Variants in GMEB2 observed in about 807,000 individuals in gnomAD.
GMEB2 encodes the protein glucocorticoid modulatory element-binding protein 2.
Under a neutral mutation model 45.7 loss-of-function variants are expected in GMEB2, and 7 were observed. The ratio of observed to expected loss-of-function variants is 0.15; its 90% CI spans 0.09 to 0.29. GMEB2 has a LOEUF of 0.29. Ranked by LOEUF, GMEB2 falls within the 10% of genes least tolerant of loss-of-function variation. The probability of loss-of-function intolerance (pLI) is 1.00; values close to 1 mark genes in which losing one functional copy is unlikely to be tolerated. For synonymous variants in GMEB2, 322 were observed against 323.6 expected, an observed-to-expected ratio of 1.00 and a Z score of 0.05; for missense variants, 582 against 739.2, an observed-to-expected ratio of 0.79 and a Z score of 2.47.
intron 4 of GMEB2, 48 bp from the exon 5 acceptor site, chr20:63,597,908 T>A: frequency 9.1e-7 from 1 of 1,100,094 alleles, no homozygotes. Flanking sequence ...GGACACCACA[T>A]AGGGTGCCCC....
At chr20:63,624,948 C>T (rs896991748) in intron 1 of GMEB2, among the ~76,000 whole-genome samples, 4 of 151,918 alleles carry the variant, frequency 2.6e-5, no homozygotes, top group Admixed American at 2.0e-4. Context: ...CCTCGTGATC[C>T]GCCCGCCTCT....
chr20:63,612,528 T>C lies in GMEB2; in HGVS notation c.131+6739A>G, dbSNP rs142740750. 3.9e-5 allele frequency among the ~76,000 whole-genome samples: 6 copies of C among 152,342 alleles called. 1 individual carries two copies. The highest frequency in any genetic ancestry group is 1.4e-4 in the African/African-American group (6 of 41,582). On this transcript the variant is annotated intron_variant, in intron 2 of 9. Coordinates refer to ENST00000370077, the MANE Select transcript of GMEB2 (RefSeq NM_012384.5). ...GCGGACGAATGGAAATGTCATTCTGTGGCCACAGAAATGATCTCAACGTTT... is the reference window on the plus strand; with the variant it reads ...GCGGACGAATGGAAATGTCATTCTGCGGCCACAGAAATGATCTCAACGTTT...
At chr20:63,604,721 C>T in intron 3 of GMEB2, 22 bp downstream of exon 3, 5 of 1,397,738 alleles carry the variant, frequency 3.6e-6, no homozygotes, top group South Asian at 1.1e-5. Context: ...AGGCAGACTT[C>T]CCACCTAGGA....
Position 63,592,970 on chromosome 20 carries a change from C to T in GMEB2, c.691+41G>A, listed in dbSNP as rs776682662. ...GAGGTGGGCAGAGACTCCACCACCC[C>T]GCCAGGGCTTGTGAGAAGCCCACAA... On this transcript the variant is annotated intron_variant, in intron 7 of 9. Coordinates refer to ENST00000370077, the MANE Select transcript of GMEB2 (RefSeq NM_012384.5). This position sits in a 1 kb window ranked among gnomAD's most constrained non-coding sequence, Gnocchi z 8.2. 5.0e-6 allele frequency: 7 copies of T among 1,411,422 alleles called. No individual in the cohort carries two copies. In the East Asian group the frequency reaches 9.3e-5, roughly 19 times the overall value. 87.4% of individuals were successfully genotyped at this position (1,411,422 alleles called of 1,614,324 possible). A position where few individuals can be genotyped will look rare whatever the true frequency, so the allele number is the denominator to read the frequency against.
chr20:63,612,139 A>T (rs1052351610), intron 2 of GMEB2, among the ~76,000 whole-genome samples: 1 of 152,240 alleles, frequency 6.6e-6, no homozygotes, highest in Admixed American at 6.5e-5. Flanking sequence ...TGACCCACAG[A>T]AATCTAAGAA....
intron 1 of GMEB2, among the ~76,000 whole-genome samples, chr20:63,626,747 C>CCGCCCG (rs988928654): frequency 1.3e-4 from 19 of 146,932 alleles, no homozygotes; most frequent in South Asian, 2.1e-4. Context: ...GGAAGCGCCG[C>CCGCCCG]CGCCCGCGCC....
At chr20:63,617,670 G>A (rs112123537) in intron 2 of GMEB2, among the ~76,000 whole-genome samples, 60 of 81,560 alleles carry the variant, frequency 7.4e-4, no homozygotes, top group South Asian at 9.8e-4. Flanking sequence ...ACGGAGTCAC[G>A]GCTCGGGTGA....
At chr20:63,605,399 G>A (rs1421841513) in intron 2 of GMEB2, among the ~76,000 whole-genome samples, 1 of 151,360 alleles carries the variant, frequency 6.6e-6, no homozygotes, top group Admixed American at 6.6e-5. Context: ...TGGGTGTGGT[G>A]GCTCGAGCCC....
intron 1 of GMEB2, among the ~76,000 whole-genome samples, chr20:63,620,199 T>C (rs1359375401): frequency 6.6e-6 from 1 of 152,218 alleles, no homozygotes; most frequent in Non-Finnish European, 1.5e-5. Flanking sequence ...ATGCCTGGCC[T>C]GCCCCGGGTT....
chr20:63,593,502 C>T lies in GMEB2; in HGVS notation c.620-420G>A, dbSNP rs1227971132. Among the ~76,000 whole-genome samples the T allele has an allele frequency of 6.6e-6, 1 of 151,812 alleles. No individual in the cohort carries two copies. Among genetic ancestry groups the T allele is most frequent in the Admixed American group, 6.6e-5 (1 of 15,226 alleles). On this transcript the variant is annotated intron_variant, in intron 6 of 9. Transcript: ENST00000370077. This position sits in a 1 kb window ranked among gnomAD's most constrained non-coding sequence, Gnocchi z 4.7. Reference sequence around the variant, plus strand: ...CTGTCGCCCGTGGGGCTCGCCCTCACCTCGCCTCTTCAAGTGATGCTTCAT... The same window carrying T: ...CTGTCGCCCGTGGGGCTCGCCCTCATCTCGCCTCTTCAAGTGATGCTTCAT...
Position 63,588,754 on chromosome 20 carries a change from A to T in GMEB2, c.*1335T>A, listed in dbSNP as rs2083116785. 1 of 398,618 alleles carries T rather than the reference A, an allele frequency of 2.5e-6. No homozygotes were observed. Among genetic ancestry groups the T allele is most frequent in the Non-Finnish European group, 4.4e-6 (1 of 226,108 alleles). 24.7% of individuals were successfully genotyped at this position (398,618 alleles called of 1,614,324 possible). On this transcript the variant is annotated 3_prime_UTR_variant, in exon 10 of 10. Transcript: ENST00000370077. The stretch of plus-strand genomic sequence containing the variant: ...GCCGACAGAATCAGCAGGAGCGTCC[A>T]GGGGAATCTGGCACTCAGGGTCCTC...
intron 2 of GMEB2, among the ~76,000 whole-genome samples, chr20:63,607,613 A>C (rs369900622): frequency 0.016 from 80 of 4,854 alleles, no homozygotes; most frequent in Non-Finnish European, 0.05. Context: ...TGACCCACAC[A>C]TCCATTTCTA....
At chr20:63,613,265 GA>G (rs2089584079) in intron 2 of GMEB2, among the ~76,000 whole-genome samples, 1 of 152,016 alleles carries the variant, frequency 6.6e-6, no homozygotes, top group Non-Finnish European at 1.5e-5. Flanking sequence ...TAACATCCTA[GA>G]AAAAAAGCTC....
At chr20:63,625,933 C>T (rs1324866287) in intron 1 of GMEB2, among the ~76,000 whole-genome samples, 1 of 152,222 alleles carries the variant, frequency 6.6e-6, no homozygotes, top group East Asian at 1.9e-4. Context: ...TTGACCGGCA[C>T]GGTCAACACT....
In GMEB2 at chr20:63,593,634, C is replaced by T. The variant is rs2083170403; in HGVS notation, c.620-552G>A. Among the ~76,000 whole-genome samples the T allele has an allele frequency of 6.6e-6, 1 of 152,166 alleles. No homozygotes were observed. Among genetic ancestry groups the T allele is most frequent in the African/African-American group, 2.4e-5 (1 of 41,420 alleles). On this transcript the variant is annotated intron_variant, in intron 6 of 9. Transcript: ENST00000370077. This position sits in a 1 kb window ranked among gnomAD's most constrained non-coding sequence, Gnocchi z 4.7. ...GTCCTGGCTCTTCCTGTGGGTCCCT[C>T]TCTCGCGCCTGCAGAACACAACTGG...
At position 63,595,614 on chromosome 20, in the gene GMEB2, G is replaced by A. The variant is rs944702318; in HGVS notation, c.615C>T (p.Ala205=). 4.1e-5 allele frequency: 66 copies of A among 1,604,632 alleles called. No homozygotes were observed. The highest frequency in any genetic ancestry group is 6.8e-5 in the East Asian group (3 of 44,260). The change falls in exon 6 of 10, where the codon GCC becomes GCT. Residue 205 remains alanine, a synonymous_variant. Coordinates refer to ENST00000370077, the MANE Select transcript of GMEB2 (RefSeq NM_012384.5). ...CGAGCAGCCCTGTGCACCTACCGTC[G>A]GCTGCGGCGGGCGTGAGGGGAATGT... ...AEYIPLTPAA[A]DVNGSPATIT... is the part of the protein sequence containing the mutation.
At chr20:63,609,878 A>G in intron 2 of GMEB2, among the ~76,000 whole-genome samples, 1 of 143,204 alleles carries the variant, frequency 7.0e-6, no homozygotes, top group Non-Finnish European at 1.5e-5. Flanking sequence ...TTCTAGAAAC[A>G]TGCCCCTCTG....
intron 2 of GMEB2, among the ~76,000 whole-genome samples, chr20:63,618,337 C>T (rs1273921610): frequency 6.6e-6 from 1 of 152,182 alleles, no homozygotes; most frequent in Non-Finnish European, 1.5e-5. Context: ...CCATGTCTTG[C>T]TCTGTGATCA....
chr20:63,592,717 A>C lies in GMEB2; in HGVS notation c.692-47T>G. 2 of 1,534,330 alleles carry C rather than the reference A, an allele frequency of 1.3e-6. No homozygotes were observed. Among genetic ancestry groups the C allele is most frequent in the Non-Finnish European group, 1.8e-6 (2 of 1,111,488 alleles). On this transcript the variant is annotated intron_variant, in intron 7 of 9. Transcript: ENST00000370077. The surrounding 1 kb of genome is among the most constrained non-coding windows in gnomAD (Gnocchi z 8.2). ...CAGTGGGCAGGGAAAGTGCTGCTAC[A>C]CGGGGCAGCCACCACAGCCACAAGG... is the stretch of plus-strand genomic sequence containing the variant.
Sources: gnomAD v4.1 joint callset for allele counts (sites outside exome capture counted in the v4.1 genomes callset) on GRCh38, gnomAD v4.1.1 for gene constraint, Gnocchi (gnomAD v3.1) non-coding constraint, MANE v1.5 for transcripts, NCBI Gene and HGNC (gene_info 2026-07-23, HGNC 2026-07-21) for gene names.